The following KLHL6 variants were observed in gnomAD, a reference collection of about 807,000 sequenced individuals.
KLHL6 encodes the protein kelch like family member 6, also known as kelch-like protein 6.
Under a neutral mutation model 58.6 loss-of-function variants are expected in KLHL6, and 41 were observed. The observed-to-expected ratio is 0.70, with a 90% CI of 0.55 to 0.91. KLHL6 has a LOEUF of 0.91. Ranked by LOEUF, KLHL6 falls within the 40% of genes least tolerant of loss-of-function variation. The pLI, the probability that KLHL6 is intolerant of heterozygous loss-of-function variation, is 0.00. For missense variants in KLHL6, 714 were observed against 805.6 expected, an observed-to-expected ratio of 0.89 and a Z score of 1.38; for synonymous variants, 338 against 322.7, an observed-to-expected ratio of 1.05 and a Z score of -0.51.
At chr3:183,522,014 C>T (rs1434827477) in intron 2 of KLHL6, among the ~76,000 whole-genome samples, 1 of 145,700 alleles carries the variant, frequency 6.9e-6, no homozygotes, top group Non-Finnish European at 1.5e-5. Flanking sequence ...TGACTTTAAA[C>T]AATGTAGTTC....
chr3:183,531,658 G>A (rs1712169567), intron 1 of KLHL6, among the ~76,000 whole-genome samples: 1 of 151,890 alleles, frequency 6.6e-6, no homozygotes, highest in Non-Finnish European at 1.5e-5. Context: ...ATGTTAGCCA[G>A]GATGGTCTCA....
intron 1 of KLHL6, among the ~76,000 whole-genome samples, chr3:183,550,114 G>A (rs546452558): frequency 3.2e-4 from 49 of 152,032 alleles, no homozygotes; most frequent in African/African-American, 1.2e-3. Context: ...CATAAAACAA[G>A]AAAAAAGTCT....
intron 3 of KLHL6, among the ~76,000 whole-genome samples, chr3:183,505,339 T>C (rs978986244): frequency 1.3e-5 from 2 of 152,200 alleles, no homozygotes; most frequent in Non-Finnish European, 2.9e-5. Context: ...TCAGGATTTA[T>C]TTGCAAAAAA....
rs149230580 is a variant in KLHL6 at position 183,492,615 on chromosome 3, C to G, written c.1443G>C (p.Leu481=). ...CATAACACTGAGTCTTGTCTGTGGC[C>G]AGTTTCCCATTGGGCCCTCCCCCGA... ...YVIGGGPNGK[L]ATDKTQCYDP... Residue 481 remains leucine (L), a synonymous_variant, in exon 6 of 7, where the codon CTG becomes CTC. Transcript: ENST00000341319. This position sits in a 1 kb window ranked among gnomAD's most constrained non-coding sequence, Gnocchi z 5.9. The G allele has an allele frequency of 5.6e-6, 9 of 1,614,070 alleles. No homozygotes were observed. The highest frequency in any genetic ancestry group is 6.8e-6 in the Non-Finnish European group (8 of 1,180,040).
At chr3:183,546,710 A>G (rs74406237) in intron 1 of KLHL6, among the ~76,000 whole-genome samples, 3,113 of 152,296 alleles carry the variant, frequency 0.02, 108 homozygotes, top group African/African-American at 0.072. Flanking sequence ...TACCACGCAT[A>G]AAGTGTTGGG....
At chr3:183,505,106 C>T (rs116899938) in intron 3 of KLHL6, among the ~76,000 whole-genome samples, 11 of 152,244 alleles carry the variant, frequency 7.2e-5, no homozygotes, top group East Asian at 1.9e-4. Context: ...AGGGCAGTTA[C>T]GGAGACTGAA....
chr3:183,535,450 T>C (rs1476197541), intron 1 of KLHL6, among the ~76,000 whole-genome samples: 1 of 152,114 alleles, frequency 6.6e-6, no homozygotes, highest in Non-Finnish European at 1.5e-5. Context: ...AATAAATATA[T>C]GGGAAACAGG....
In KLHL6 at chr3:183,489,465, A is replaced by C. The variant is rs1442990519; in HGVS notation, c.*2462T>G. On this transcript the variant is annotated 3_prime_UTR_variant, in exon 7 of 7. Transcript: ENST00000341319. ...AGCTAACTTGAAGAAAATAAAAACA[A>C]GAATATTAACTGGTGGCCTATTTAC... 1 of 152,184 alleles carries C rather than the reference A, an allele frequency of 6.6e-6. No homozygotes were observed. Among genetic ancestry groups the C allele is most frequent in the Admixed American group, 6.5e-5 (1 of 15,286 alleles). The allele number at this position is 152,184 out of a possible 1,614,324, so 9.4% of individuals were successfully genotyped here.
chr3:183,494,512 G>A (rs1560090460), intron 4 of KLHL6, among the ~76,000 whole-genome samples: 1 of 152,170 alleles, frequency 6.6e-6, no homozygotes. Context: ...GTCCACCTCA[G>A]TGCTGCGAGA....
chr3:183,545,868 A>T (rs1712701608), intron 1 of KLHL6, among the ~76,000 whole-genome samples: 1 of 152,100 alleles, frequency 6.6e-6, no homozygotes, highest in Non-Finnish European at 1.5e-5. Context: ...TCCCTTTTCT[A>T]AAGTTGCCCA....
intron 2 of KLHL6, chr3:183,523,112 GT>G: frequency 6.6e-6 from 1 of 152,320 alleles, no homozygotes; most frequent in Non-Finnish European, 1.5e-5. Flanking sequence ...TTCTTGAGCA[GT>G]TTTTGAGAAG....
Position 183,499,473 on chromosome 3 carries a change from C to G in KLHL6, c.1147+117G>C, listed in dbSNP as rs1717807878. The stretch of plus-strand genomic sequence containing the variant: ...TCCTGGGTCCATATCCTGTCTCAGT[C>G]AGAGCCGGATCATTGCCAATTCACA... On this transcript the variant is annotated intron_variant, in intron 4 of 6. Coordinates refer to ENST00000341319, the MANE Select transcript of KLHL6 (RefSeq NM_130446.4). This position sits in a 1 kb window ranked among gnomAD's most constrained non-coding sequence, Gnocchi z 4.6. 1 of 688,460 alleles carries G rather than the reference C, an allele frequency of 1.5e-6. No homozygotes were observed. Among genetic ancestry groups the G allele is most frequent in the Non-Finnish European group, 2.5e-6 (1 of 398,708 alleles). The allele number at this position is 688,460 out of a possible 1,614,324, so 42.6% of individuals were successfully genotyped here. A position where few individuals can be genotyped will look rare whatever the true frequency, so the allele number is the denominator to read the frequency against.
Position 183,555,674 on chromosome 3 carries a change from A to T in KLHL6, c.-21T>A. The T allele has an allele frequency of 6.4e-7, 1 of 1,554,880 alleles. No individual in the cohort carries two copies. ...AACATCGAGACTGAAGGAGCGCCCA[A>T]GTGTCAGGCAGGCCCCATTGCAGGA... On this transcript the variant is annotated 5_prime_UTR_variant, in exon 1 of 7. In the 5' UTR this introduces an upstream ATG that the reference lacks. Coordinates refer to ENST00000341319, the MANE Select transcript of KLHL6 (RefSeq NM_130446.4).
intron 3 of KLHL6, among the ~76,000 whole-genome samples, chr3:183,500,631 C>T (rs565434201): frequency 6.6e-6 from 1 of 152,312 alleles, no homozygotes; most frequent in African/African-American, 2.4e-5. Context: ...GGCACACACT[C>T]GCCCCTCAAC....
At chr3:183,531,458 T>TTTTG in intron 1 of KLHL6, among the ~76,000 whole-genome samples, 1 of 140,114 alleles carries the variant, frequency 7.1e-6, no homozygotes, top group African/African-American at 2.7e-5. Flanking sequence ...TTTTTTTTTT[T>TTTTG]TTTTTTTTTG....
chr3:183,492,460 A>C lies in KLHL6; in HGVS notation c.1564+34T>G. The stretch of plus-strand genomic sequence containing the variant: ...TGCAGCCAGGCGCTCATCAGGTTCT[A>C]AGCCATTCAGACCAATAAGAAGCCA... On this transcript the variant is annotated intron_variant, in intron 6 of 6. Coordinates refer to ENST00000341319, the MANE Select transcript of KLHL6 (RefSeq NM_130446.4). This position sits in a 1 kb window ranked among gnomAD's most constrained non-coding sequence, Gnocchi z 5.9. 6.2e-7 allele frequency: 1 copy of C among 1,606,924 alleles called. No individual in the cohort carries two copies. Among genetic ancestry groups the C allele is most frequent in the Non-Finnish European group, 8.5e-7 (1 of 1,173,696 alleles).
At chr3:183,513,837 A>G (rs56387911) in intron 2 of KLHL6, among the ~76,000 whole-genome samples, 67,709 of 151,950 alleles carry the variant, frequency 0.45, 17,289 homozygotes, top group Non-Finnish European at 0.58. Context: ...CCCTGCATGC[A>G]TTAGGTATTT....
At chr3:183,543,901 C>T (rs1420527479) in intron 1 of KLHL6, among the ~76,000 whole-genome samples, 2 of 152,142 alleles carry the variant, frequency 1.3e-5, no homozygotes, top group African/African-American at 4.8e-5. Flanking sequence ...TGGTGGCTCA[C>T]GCCTGTAATC....
At chr3:183,511,273 A>G (rs1718178611) in intron 2 of KLHL6, among the ~76,000 whole-genome samples, 1 of 152,118 alleles carries the variant, frequency 6.6e-6, no homozygotes, top group Non-Finnish European at 1.5e-5. Flanking sequence ...GCTTCTCTCC[A>G]CCCAAACATC....
Sources: gnomAD v4.1 joint callset for allele counts (sites outside exome capture counted in the v4.1 genomes callset) on GRCh38, gnomAD v4.1.1 for gene constraint, Gnocchi (gnomAD v3.1) non-coding constraint, MANE v1.5 for transcripts, NCBI Gene and HGNC (gene_info 2026-07-23, HGNC 2026-07-21) for gene names.